Variants in ITIH2 observed in about 807,000 individuals in gnomAD.
ITIH2 encodes inter-alpha-trypsin inhibitor heavy chain 2, also known as inter-alpha-trypsin inhibitor heavy chain H2.
A neutral mutation model predicts 104.4 loss-of-function variants in ITIH2; 103 were observed. The ratio of observed to expected loss-of-function variants is 0.99; its 90% CI spans 0.84 to 1.16. ITIH2 has a LOEUF of 1.16. ITIH2 is among the 50% of genes most tolerant of loss of function. The pLI, the probability that ITIH2 is intolerant of heterozygous loss-of-function variation, is 0.00. For synonymous variants in ITIH2, 436 were observed against 435.4 expected, an observed-to-expected ratio of 1.00 and a Z score of -0.02; for missense variants, 1,108 against 1,162.4, an observed-to-expected ratio of 0.95 and a Z score of 0.68.
intron 6 of ITIH2, among the ~76,000 whole-genome samples, chr10:7,718,848 C>T (rs191729626): frequency 9.7e-4 from 147 of 152,272 alleles, no homozygotes; most frequent in Admixed American, 2.0e-3. Flanking sequence ...GATTGTCTTC[C>T]CTGCCACCCC....
chr10:7,713,601 T>G (rs1176110247), intron 5 of ITIH2, among the ~76,000 whole-genome samples: 1 of 152,244 alleles, frequency 6.6e-6, no homozygotes, highest in Non-Finnish European at 1.5e-5. Flanking sequence ...GGTGATCTTG[T>G]GATCTTGTTA....
intron 11 of ITIH2, among the ~76,000 whole-genome samples, chr10:7,728,125 A>G (rs1834968390): frequency 1.3e-5 from 2 of 152,122 alleles, no homozygotes; most frequent in Non-Finnish European, 2.9e-5. Flanking sequence ...AGGGAAATGC[A>G]TCTATTTCCT....
chr10:7,716,735 CAAAAAAAA>C (rs61703360), intron 5 of ITIH2, among the ~76,000 whole-genome samples: 1 of 58,770 alleles, frequency 1.7e-5, no homozygotes, highest in Non-Finnish European at 4.0e-5. Context: ...GACCCCAGCT[CAAAAAAAA>C]AAAAAAAAAA....
rs1338644602 is a variant in ITIH2 at position 7,746,542 on chromosome 10, T to G, written c.2582-51T>G. ...GCATGGAGTCAATAATGAGCCTCTT[T>G]TTATTTAACTATGATTACATGTCAA... On this transcript the variant is annotated intron_variant, in intron 19 of 20. Transcript: ENST00000358415. 3.9e-6 allele frequency: 5 copies of G among 1,278,040 alleles called. No individual in the cohort carries two copies. The South Asian group carries it at 6.1e-5, about 16-fold the overall frequency. The allele number at this position is 1,278,040 out of a possible 1,614,324, so 79.2% of individuals were successfully genotyped here.
Position 7,708,516 on chromosome 10 carries a change from T to C in ITIH2, c.193-506T>C, listed in dbSNP as rs566813310. Among the ~76,000 whole-genome samples the C allele has an allele frequency of 2.0e-5, 3 of 152,254 alleles. No homozygotes were observed. The South Asian group carries it at 6.2e-4, about 32-fold the overall frequency. On this transcript the variant is annotated intron_variant, in intron 3 of 20. Coordinates refer to ENST00000358415, the MANE Select transcript of ITIH2 (RefSeq NM_002216.3). ...AAAAGGACTGCAGATGAAATTGTAA[T>C]AGAGGAGATTAAAGAAGGTAGAGAG... is the stretch of plus-strand genomic sequence containing the variant.
chr10:7,727,028 A>G lies in ITIH2; in HGVS notation c.1063A>G (p.Ile355Val). The G allele has an allele frequency of 1.2e-6, 2 of 1,614,042 alleles. No individual in the cohort carries two copies. Among genetic ancestry groups the G allele is most frequent in the Non-Finnish European group, 1.7e-6 (2 of 1,179,858 alleles). Residue 355 changes from isoleucine (I) to valine (V), a missense_variant, in exon 10 of 21, where the codon ATT becomes GTT. Ile to Val is a conservative substitution (Grantham distance 29). Coordinates refer to ENST00000358415, the MANE Select transcript of ITIH2 (RefSeq NM_002216.3). Reference protein sequence around the residue: ...HFSVIDFNQNIRTWRNDLISA... With the variant: ...HFSVIDFNQNVRTWRNDLISA... ...CTCTGTGATTGATTTCAACCAGAAC[A>G]TTCGAACTTGGAGAAATGATTTAAT... is the stretch of plus-strand genomic sequence containing the variant.
In ITIH2 at chr10:7,730,020, A is replaced by G. The variant is rs751747319; in HGVS notation, c.1348A>G (p.Ser450Gly). The G allele has an allele frequency of 3.7e-6, 6 of 1,613,218 alleles. No individual in the cohort carries two copies. Among genetic ancestry groups the G allele is most frequent in the Admixed American group, 1.7e-5 (1 of 59,978 alleles). ...CATCCAAGACAATATCTCCTTGTTCAGTTTGGGCATGGGATTTGATGTGGA... is the reference window on the plus strand; with the variant it reads ...CATCCAAGACAATATCTCCTTGTTCGGTTTGGGCATGGGATTTGATGTGGA... ...ENIQDNISLF[S>G]LGMGFDVDYD... is the part of the protein sequence containing the mutation. The change falls in exon 12 of 21, where the codon AGT (serine) becomes GGT (glycine). Residue 450 changes from serine (S) to glycine (G), a missense_variant. Physicochemically the swap from Ser to Gly is moderately conservative, Grantham distance 56 (BLOSUM62 0). Coordinates refer to ENST00000358415, the MANE Select transcript of ITIH2 (RefSeq NM_002216.3).
intron 11 of ITIH2, among the ~76,000 whole-genome samples, chr10:7,728,170 G>A (rs1344454992): frequency 6.6e-6 from 1 of 152,100 alleles, no homozygotes; most frequent in Non-Finnish European, 1.5e-5. Context: ...GTATGGGGGT[G>A]GTGAATGATG....
chr10:7,711,771 G>A (rs956862736), intron 4 of ITIH2, among the ~76,000 whole-genome samples: 1 of 152,140 alleles, frequency 6.6e-6, no homozygotes, highest in African/African-American at 2.4e-5. Context: ...ACTAACATTC[G>A]TGGTGTCCTC....
chr10:7,727,177 A>C, intron 10 of ITIH2, 59 bp downstream of exon 10: 2 of 1,409,104 alleles, frequency 1.4e-6, no homozygotes, highest in Non-Finnish European at 2.0e-6. Context: ...ATCATGATTC[A>C]CTTAAGAAGC....
rs757330085 is a variant in ITIH2, at chr10:7,743,227, A to G, written c.2177A>G (p.Lys726Arg). Residue 726 changes from lysine (K) to arginine (R), a missense_variant, in exon 17 of 21, where the codon AAA becomes AGA. Transcript: ENST00000358415. Reference protein sequence around the residue: ...ICFNIDSEPGKILNLVSDPES... With the variant: ...ICFNIDSEPGRILNLVSDPES... ...TTCAATATTGACTCAGAACCTGGAA[A>G]AATCCTCAACCTGGTTTCTGACCCA... The G allele has an allele frequency of 1.3e-6, 2 of 1,592,314 alleles. No homozygotes were observed. The highest frequency in any genetic ancestry group is 1.7e-6 in the Non-Finnish European group (2 of 1,168,462).
At chr10:7,717,535 C>G (rs1418126378) in intron 5 of ITIH2, 91 bp from the exon 6 acceptor site, 2 of 1,217,532 alleles carry the variant, frequency 1.6e-6, no homozygotes, top group African/African-American at 3.0e-5. Context: ...AACGGACGGT[C>G]CAGGAAATTC....
chr10:7,736,086 C>A (rs1433334814), intron 15 of ITIH2, among the ~76,000 whole-genome samples: 5 of 152,278 alleles, frequency 3.3e-5, no homozygotes, highest in Non-Finnish European at 7.4e-5. Flanking sequence ...TAGAACCTGG[C>A]CAGTCATGGT....
In ITIH2 at chr10:7,744,890, C is replaced by T. The variant is rs752964549; in HGVS notation, c.2508C>T (p.Pro836=). The T allele has an allele frequency of 2.5e-5, 40 of 1,613,954 alleles. No individual in the cohort carries two copies. Among genetic ancestry groups the T allele is most frequent in the South Asian group, 1.6e-4 (15 of 91,086 alleles). ...VLLHRVWKKH[P]VNVDFLGIYI... ...TTCATCGTGTTTGGAAGAAGCATCC[C>T]GTCAATGTTGACTTTCTGGGAATCT... Residue 836 remains proline, a synonymous_variant, in exon 19 of 21, where the codon CCC becomes CCT. Transcript: ENST00000358415.
chr10:7,737,216 C>G (rs914650224), intron 15 of ITIH2, among the ~76,000 whole-genome samples: 2 of 151,166 alleles, frequency 1.3e-5, no homozygotes, highest in East Asian at 3.9e-4. Context: ...AACTGAGACT[C>G]TAGAAATTGC....
At chr10:7,720,667 G>T (rs529917256) in intron 6 of ITIH2, among the ~76,000 whole-genome samples, 189 bp from the exon 7 acceptor site, 2 of 152,350 alleles carry the variant, frequency 1.3e-5, no homozygotes, top group Admixed American at 6.5e-5. Context: ...ACAGAAGGGG[G>T]TTAAGCCTCC....
intron 20 of ITIH2, 93 bp from the exon 21 acceptor site, chr10:7,749,084 GATGTGGTGAC>G: frequency 1.7e-6 from 2 of 1,161,150 alleles, no homozygotes; most frequent in Non-Finnish European, 2.5e-6. Flanking sequence ...GGGGGCGGCA[GATGTGGTGAC>G]AGAAGGAACA....
At chr10:7,740,941 G>A (rs750047060) in intron 16 of ITIH2, among the ~76,000 whole-genome samples, 1 of 152,130 alleles carries the variant, frequency 6.6e-6, no homozygotes, top group Non-Finnish European at 1.5e-5. Flanking sequence ...GTCAAGCTGT[G>A]CTGACTCATT....
chr10:7,720,761 A>G, intron 6 of ITIH2, 95 bp from the exon 7 acceptor site: 1 of 746,508 alleles, frequency 1.3e-6, no homozygotes, highest in South Asian at 1.6e-5. Flanking sequence ...TGCGGAGGAG[A>G]AAAGCATCAG....
Sources: gnomAD v4.1 joint callset for allele counts (sites outside exome capture counted in the v4.1 genomes callset) on GRCh38, gnomAD v4.1.1 for gene constraint, MANE v1.5 for transcripts, NCBI Gene and HGNC (gene_info 2026-07-23, HGNC 2026-07-21) for gene names.